The following NRXN1 variants were observed in gnomAD, a reference collection of about 807,000 sequenced individuals.
NRXN1 encodes the protein neurexin 1.
A neutral mutation model predicts 150.9 loss-of-function variants in NRXN1; 39 were observed. That is an observed-to-expected ratio of 0.26 (90% CI 0.20 to 0.34). The LOEUF is 0.34. Among genes scored for constraint, NRXN1 ranks in the 10% least tolerant of loss-of-function variants. The pLI is 1.00. For missense variants in NRXN1, 1,815 were observed against 1,949.9 expected (o/e 0.93, Z 1.30); for synonymous variants, 924 against 757.0 (o/e 1.22, Z -3.62).
At chr2:50,731,013 C>T (rs1482275317) in intron 5 of NRXN1, among the ~76,000 whole-genome samples, 6 of 152,122 alleles carry the variant, frequency 3.9e-5, no homozygotes, top group Admixed American at 3.3e-4. Flanking sequence ...TACTCTGAGA[C>T]TTTTAGCTTT....
chr2:49,928,762 T>C (rs768706296), intron 22 of NRXN1, among the ~76,000 whole-genome samples: 6 of 152,156 alleles, frequency 3.9e-5, no homozygotes, highest in Admixed American at 6.5e-5. Context: ...AGGGACACAA[T>C]GATTTATATG....
At chr2:50,363,114 G>C (rs981675011) in intron 17 of NRXN1, among the ~76,000 whole-genome samples, 1 of 152,046 alleles carries the variant, frequency 6.6e-6, no homozygotes, top group African/African-American at 2.4e-5. Flanking sequence ...AGATTTAAAC[G>C]TAAGACCTAA....
intron 15 of NRXN1, among the ~76,000 whole-genome samples, chr2:50,495,302 G>C (rs2091503644): frequency 6.6e-6 from 1 of 151,556 alleles, no homozygotes; most frequent in Non-Finnish European, 1.5e-5. Context: ...AGGAAGAGAA[G>C]CGTATGTTAA....
At chr2:50,714,868 T>C (rs1695661251) in intron 5 of NRXN1, among the ~76,000 whole-genome samples, 1 of 152,130 alleles carries the variant, frequency 6.6e-6, no homozygotes, top group African/African-American at 2.4e-5. Context: ...ACATAGGTAG[T>C]AACACCTAGT....
At chr2:50,284,726 T>C (rs912360124) in intron 17 of NRXN1, among the ~76,000 whole-genome samples, 6 of 152,216 alleles carry the variant, frequency 3.9e-5, no homozygotes, top group Admixed American at 3.9e-4. Flanking sequence ...TGATATTTTC[T>C]GTTTCTTTTC....
At chr2:50,570,949 A>C (rs565332345) in intron 8 of NRXN1, among the ~76,000 whole-genome samples, 3 of 152,290 alleles carry the variant, frequency 2.0e-5, no homozygotes, top group African/African-American at 7.2e-5. Flanking sequence ...CACAGAAAGA[A>C]GTGGTTTGGG....
At chr2:50,649,493 G>A (rs755135321) in intron 5 of NRXN1, among the ~76,000 whole-genome samples, 1 of 151,950 alleles carries the variant, frequency 6.6e-6, no homozygotes, top group East Asian at 1.9e-4. Context: ...AAGGTGAAGA[G>A]AATCAAACTT....
At chr2:50,129,942 A>G (rs1348142177) in intron 18 of NRXN1, among the ~76,000 whole-genome samples, 2 of 152,358 alleles carry the variant, frequency 1.3e-5, no homozygotes, top group East Asian at 3.9e-4. Flanking sequence ...TATTTTCTAT[A>G]TCCTATTCCA....
intron 17 of NRXN1, among the ~76,000 whole-genome samples, chr2:50,350,628 TG>T (rs2078340807): frequency 1.3e-5 from 2 of 152,176 alleles, no homozygotes; most frequent in South Asian, 4.1e-4. Context: ...GCTGGGACTT[TG>T]GAGAGCGATT....
chr2:50,657,283 A>G (rs1352378578), intron 5 of NRXN1, among the ~76,000 whole-genome samples: 1 of 151,676 alleles, frequency 6.6e-6, no homozygotes, highest in Non-Finnish European at 1.5e-5. Flanking sequence ...TGCCTGCTAA[A>G]TTCCTCTCCA....
At chr2:50,143,100 C>A (rs745661560) in intron 18 of NRXN1, among the ~76,000 whole-genome samples, 5 of 147,302 alleles carry the variant, frequency 3.4e-5, no homozygotes, top group Non-Finnish European at 7.5e-5. Context: ...AATATGAACA[C>A]AGGAATGGAA....
intron 21 of NRXN1, among the ~76,000 whole-genome samples, chr2:50,013,363 TA>T (rs1426513042): frequency 2.0e-5 from 3 of 151,588 alleles, no homozygotes; most frequent in Admixed American, 6.6e-5. Context: ...CAAATGATTT[TA>T]CTGGCTTCGT....
chr2:50,644,324 G>A (rs1047563393), intron 5 of NRXN1, among the ~76,000 whole-genome samples: 1 of 151,606 alleles, frequency 6.6e-6, no homozygotes, highest in Non-Finnish European at 1.5e-5. Context: ...TATTTTTTCT[G>A]ATCTGAAAAA....
At chr2:50,538,989 C>T (rs953218511) in intron 9 of NRXN1, among the ~76,000 whole-genome samples, 1 of 152,126 alleles carries the variant, frequency 6.6e-6, no homozygotes, top group South Asian at 2.1e-4. Context: ...AAGTCAGATT[C>T]CCCTGGGTTA....
chr2:50,490,728 G>A (rs1004157855), intron 15 of NRXN1, among the ~76,000 whole-genome samples: 6 of 152,146 alleles, frequency 3.9e-5, no homozygotes, highest in Non-Finnish European at 8.8e-5. Context: ...CTGTCACGGT[G>A]GGGCAATGGA....
intron 5 of NRXN1, among the ~76,000 whole-genome samples, chr2:50,739,926 T>A (rs535147904): frequency 6.6e-6 from 1 of 152,264 alleles, no homozygotes; most frequent in East Asian, 1.9e-4. Flanking sequence ...CTGAAAAAAT[T>A]ATCTGTGATT....
intron 18 of NRXN1, among the ~76,000 whole-genome samples, chr2:50,108,948 A>G (rs1217259518): frequency 5.9e-5 from 9 of 152,190 alleles, no homozygotes. Context: ...AAATAAAATG[A>G]GAGAGCTAGC....
intron 5 of NRXN1, among the ~76,000 whole-genome samples, chr2:50,796,448 C>G (rs966980339): frequency 6.6e-6 from 1 of 151,906 alleles, no homozygotes; most frequent in Non-Finnish European, 1.5e-5. Context: ...TGAACCCGCT[C>G]TCTCTCTCTC....
chr2:50,737,473 A>G (rs1490263276), intron 5 of NRXN1, among the ~76,000 whole-genome samples: 1 of 152,222 alleles, frequency 6.6e-6, no homozygotes, highest in Non-Finnish European at 1.5e-5. Context: ...AAAAAAGTTA[A>G]GTAACTTTCT....
Sources: gnomAD v4.1 joint callset for allele counts (sites outside exome capture counted in the v4.1 genomes callset) on GRCh38, gnomAD v4.1.1 for gene constraint, MANE v1.5 for transcripts, NCBI Gene and HGNC (gene_info 2026-07-23, HGNC 2026-07-21) for gene names.